BANK1: variants seen among roughly 807,000 people sequenced by gnomAD.
BANK1 encodes B-cell scaffold protein with ankyrin repeats.
A neutral mutation model predicts 94.5 loss-of-function variants in BANK1; 95 were observed. The observed-to-expected ratio is 1.00, with a 90% CI of 0.85 to 1.19. The LOEUF (loss-of-function observed/expected upper bound fraction) is 1.19, where lower values mean the gene tolerates loss of function less well. Ranked by LOEUF, BANK1 falls within the 50% of genes most tolerant of loss-of-function variation. The probability of loss-of-function intolerance (pLI) is 0.00; values close to 1 mark genes in which losing one functional copy is unlikely to be tolerated. For missense variants in BANK1, 987 were observed against 932.2 expected, an observed-to-expected ratio of 1.06 and a Z score of -0.77; for synonymous variants, 334 against 308.4, an observed-to-expected ratio of 1.08 and a Z score of -0.87.
chr4:101,902,709 A>G (rs948775498), intron 6 of BANK1, among the ~76,000 whole-genome samples: 9 of 152,228 alleles, frequency 5.9e-5, no homozygotes, highest in Non-Finnish European at 4.4e-5. Flanking sequence ...GTTCTTCCAA[A>G]TAAATATTCC....
rs191175208 is a variant in BANK1 at position 101,862,505 on chromosome 4, G to A, written c.625-21G>A. 2.7e-4 allele frequency: 432 copies of A among 1,583,338 alleles called. 1 individual carries two copies. In the Admixed American group the frequency reaches 7.5e-3, roughly 27 times the overall value. The stretch of plus-strand genomic sequence containing the variant: ...GTAAACTTTTCCAAATGCTTAAATG[G>A]GTTACATTTTCATCTTACAGAATCC... On this transcript the variant is annotated intron_variant, in intron 3 of 16. Coordinates refer to ENST00000322953, the MANE Select transcript of BANK1 (RefSeq NM_017935.5).
At chr4:101,860,102 G>A (rs940380083) in intron 3 of BANK1, among the ~76,000 whole-genome samples, 1 of 152,092 alleles carries the variant, frequency 6.6e-6, no homozygotes, top group African/African-American at 2.4e-5. Context: ...ATAAATATGG[G>A]GATATAGAAG....
intron 2 of BANK1, among the ~76,000 whole-genome samples, chr4:101,843,446 A>G (rs980346421): frequency 6.6e-6 from 1 of 152,150 alleles, no homozygotes; most frequent in Admixed American, 6.5e-5. Flanking sequence ...CCCATTGTTA[A>G]TTGAAACATT....
rs776803297 is a variant in BANK1 at position 102,030,238 on chromosome 4, G to C, written c.1873G>C (p.Glu625Gln). 6.3e-7 allele frequency: 1 copy of C among 1,599,430 alleles called. No individual in the cohort carries two copies. The highest frequency in any genetic ancestry group is 8.5e-7 in the Non-Finnish European group (1 of 1,176,092). Reference sequence around the variant, plus strand: ...CCGACCCACAAGTATACCTCCAAAAGAGGAAACTACACCTTACATAGCTCA... The same window carrying C: ...CCGACCCACAAGTATACCTCCAAAACAGGAAACTACACCTTACATAGCTCA... Reference protein sequence around the residue: ...TPRPTSIPPKEETTPYIAQVF... With the variant: ...TPRPTSIPPKQETTPYIAQVF... Residue 625 changes from glutamate to glutamine, a missense_variant, in exon 10 of 17, where the codon GAG becomes CAG. By Grantham distance (29) the Glu-to-Gln change is conservative. Transcript: ENST00000322953.
At chr4:101,824,825 T>C (rs1726303590) in intron 1 of BANK1, among the ~76,000 whole-genome samples, 1 of 152,160 alleles carries the variant, frequency 6.6e-6, no homozygotes, top group Non-Finnish European at 1.5e-5. Flanking sequence ...GAAGAAAATC[T>C]GCCATTTGAA....
At chr4:101,814,376 C>T (rs1445864330) in intron 1 of BANK1, among the ~76,000 whole-genome samples, 1 of 152,150 alleles carries the variant, frequency 6.6e-6, no homozygotes, top group African/African-American at 2.4e-5. Context: ...TTTTCCACCA[C>T]TGCCACCATC....
chr4:102,049,491 G>A (rs201895234), intron 11 of BANK1, among the ~76,000 whole-genome samples: 1 of 152,128 alleles, frequency 6.6e-6, no homozygotes, highest in South Asian at 2.1e-4. Context: ...CTGCCTCCCT[G>A]TAATCATAGA....
intron 7 of BANK1, among the ~76,000 whole-genome samples, chr4:101,939,077 G>A (rs1164973032): frequency 1.3e-5 from 2 of 151,522 alleles, no homozygotes; most frequent in African/African-American, 4.8e-5. Context: ...CCAATATTTT[G>A]AATTTTTGTC....
intron 7 of BANK1, among the ~76,000 whole-genome samples, chr4:101,986,995 A>AG (rs1725527984): frequency 2.5e-5 from 1 of 40,032 alleles, no homozygotes; most frequent in South Asian, 6.2e-4. Flanking sequence ...AAAGAACAAA[A>AG]GAAAAAAAAA....
At chr4:101,829,187 G>T (rs1356600736) in intron 1 of BANK1, among the ~76,000 whole-genome samples, 3 of 152,088 alleles carry the variant, frequency 2.0e-5, no homozygotes, top group African/African-American at 7.2e-5. Context: ...AACAGTTTTA[G>T]CTGGAGCCTG....
intron 7 of BANK1, among the ~76,000 whole-genome samples, chr4:101,996,896 C>T (rs778751718): frequency 3.0e-4 from 45 of 152,142 alleles, no homozygotes; most frequent in Non-Finnish European, 5.3e-4. Context: ...TTGACTTCCT[C>T]TTTTCCTATT....
chr4:101,864,922 T>C (rs1728012558), intron 4 of BANK1, among the ~76,000 whole-genome samples: 1 of 152,138 alleles, frequency 6.6e-6, no homozygotes, highest in East Asian at 1.9e-4. Flanking sequence ...TGAGGATCTT[T>C]AAGGCAGAAG....
intron 6 of BANK1, among the ~76,000 whole-genome samples, chr4:101,915,453 T>C (rs1415852342): frequency 2.6e-5 from 4 of 152,130 alleles, no homozygotes; most frequent in Non-Finnish European, 4.4e-5. Flanking sequence ...TTAAGACTCA[T>C]TTGAATATTA....
At chr4:102,058,719 A>G (rs1487055982) in intron 11 of BANK1, among the ~76,000 whole-genome samples, 1 of 151,856 alleles carries the variant, frequency 6.6e-6, no homozygotes, top group Non-Finnish European at 1.5e-5. Flanking sequence ...AAAAAAGGTA[A>G]AAGCAGATTT....
chr4:101,967,293 TAGAC>T (rs1724797579), intron 7 of BANK1, among the ~76,000 whole-genome samples: 1 of 151,976 alleles, frequency 6.6e-6, no homozygotes, highest in African/African-American at 2.4e-5. Context: ...AACTGAGACA[TAGAC>T]AGTCCAAGAA....
chr4:102,007,165 T>TAAA lies in BANK1; in HGVS notation c.1207-14348_1207-14347insAAA, dbSNP rs1726334271. 2.9e-5 allele frequency among the ~76,000 whole-genome samples: 3 copies of TAAA among 102,408 alleles called. No individual in the cohort carries two copies. In the Admixed American group the frequency reaches 3.4e-4, roughly 11 times the overall value. The allele number at this position is 102,408 out of a possible 152,430, so 67.2% of individuals were successfully genotyped here. On this transcript the variant is annotated intron_variant, in intron 7 of 16. Coordinates refer to ENST00000322953, the MANE Select transcript of BANK1 (RefSeq NM_017935.5). ...TATATTTTATATATATATATATATA[T>TAAA]ATATAAAATCCCTAAAATAGAATGC...
At chr4:101,998,519 A>T (rs551829174) in intron 7 of BANK1, among the ~76,000 whole-genome samples, 2 of 152,176 alleles carry the variant, frequency 1.3e-5, no homozygotes, top group Admixed American at 1.3e-4. Flanking sequence ...TGGAGTGTTA[A>T]ATTTTCCCAC....
At chr4:101,849,285 T>A (rs1322409713) in intron 2 of BANK1, among the ~76,000 whole-genome samples, 1 of 152,188 alleles carries the variant, frequency 6.6e-6, no homozygotes, top group Admixed American at 6.5e-5. Context: ...TTACCAATAG[T>A]TATTGAGTGC....
intron 2 of BANK1, among the ~76,000 whole-genome samples, chr4:101,837,120 A>G (rs1419471553): frequency 6.6e-6 from 1 of 152,210 alleles, no homozygotes; most frequent in Non-Finnish European, 1.5e-5. Context: ...ATAATCAAAT[A>G]TTATGTACAA....
Sources: allele counts gnomAD v4.1 joint callset (sites outside exome capture counted in the v4.1 genomes callset), GRCh38; gene constraint gnomAD v4.1.1; transcripts MANE v1.5; gene names NCBI Gene and HGNC (gene_info 2026-07-23, HGNC 2026-07-21).